Variants in NARF observed in about 807,000 individuals in gnomAD.
NARF encodes nuclear prelamin A recognition factor.
NARF carries 41 observed loss-of-function variants against 48.0 expected under a neutral mutation model. The ratio of observed to expected loss-of-function variants is 0.85; its 90% CI spans 0.66 to 1.11. NARF has a LOEUF of 1.11. NARF is among the 50% of genes least tolerant of loss of function. The pLI is 0.00. For missense variants in NARF, 613 were observed against 590.2 expected, an observed-to-expected ratio of 1.04 and a Z score of -0.40; for synonymous variants, 215 against 225.5, an observed-to-expected ratio of 0.95 and a Z score of 0.42.
chr17:82,487,483 C>CG (rs1267740355), intron 10 of NARF, among the ~76,000 whole-genome samples: 2 of 125,712 alleles, frequency 1.6e-5, no homozygotes, highest in Non-Finnish European at 3.3e-5. Context: ...GACTCTGTCT[C>CG]GAAAAAAAAA....
At chr17:82,483,883 T>C (rs2044032634) in intron 8 of NARF, 104 bp downstream of exon 8, 4 of 1,040,278 alleles carry the variant, frequency 3.8e-6, no homozygotes, top group Non-Finnish European at 5.9e-6. Flanking sequence ...GACGAGGCCA[T>C]GTGAAGCACT....
rs775367111 is a variant in NARF, at chr17:82,472,648, A to C, written c.470A>C (p.Gln157Pro). Residue 157 changes from glutamine (Q) to proline (P), a missense_variant, in exon 5 of 11, where the codon CAG becomes CCG. Transcript: ENST00000309794. ...AAAGAATTCGTGCGTCGCTATCGCC[A>C]GCACAGTGAGGAGGAACGCACCCTG... is the stretch of plus-strand genomic sequence containing the variant. ...SQKEFVRRYR[Q>P]HSEEERTLPM... 1 of 1,614,062 alleles carries C rather than the reference A, an allele frequency of 6.2e-7. No homozygotes were observed. The highest frequency in any genetic ancestry group is 1.7e-5 in the Admixed American group (1 of 60,016).
intron 7 of NARF, chr17:82,483,439 C>T: frequency 2.5e-6 from 1 of 393,922 alleles, no homozygotes; most frequent in Non-Finnish European, 4.7e-6. Flanking sequence ...AGATTTTCCA[C>T]ATGGGAAAAT....
At chr17:82,471,327 C>T (rs542079206) in intron 4 of NARF, among the ~76,000 whole-genome samples, 34 of 151,108 alleles carry the variant, frequency 2.3e-4, no homozygotes, top group Admixed American at 1.7e-3. Context: ...TGGTGACGGG[C>T]GCCTGTAGTC....
chr17:82,480,498 G>A (rs992919499), intron 6 of NARF: 1 of 402,654 alleles, frequency 2.5e-6, no homozygotes, highest in African/African-American at 2.1e-5. Context: ...ACCACACCCA[G>A]TCCTGAGGGA....
At position 82,472,604 on chromosome 17, in the gene NARF, T is replaced by C. The variant is rs1200169515; in HGVS notation, c.426T>C (p.Phe142=). 1 of 1,613,478 alleles carries C rather than the reference T, an allele frequency of 6.2e-7. No individual in the cohort carries two copies. Among genetic ancestry groups the C allele is most frequent in the East Asian group, 2.2e-5 (1 of 44,808 alleles). The change falls in exon 5 of 11, where the codon TTT becomes TTC. Residue 142 remains phenylalanine, a synonymous_variant. Transcript: ENST00000309794. Reference sequence around the variant, plus strand: ...TTGATACGACGATAGCTGCGGATTTTAGTATCCTGGAGAGTCAAAAAGAAT... The same window carrying C: ...TTGATACGACGATAGCTGCGGATTTCAGTATCCTGGAGAGTCAAAAAGAAT... ...YVFDTTIAAD[F]SILESQKEFV...
intron 8 of NARF, 196 bp from the exon 9 acceptor site, chr17:82,484,617 C>G (rs756783502): frequency 5.5e-6 from 3 of 545,452 alleles, no homozygotes; most frequent in Non-Finnish European, 9.0e-6. Flanking sequence ...CCGCCTTGCC[C>G]GAGCATCAGG....
chr17:82,465,803 C>T (rs1165376765), intron 3 of NARF, among the ~76,000 whole-genome samples: 3 of 152,164 alleles, frequency 2.0e-5, no homozygotes, highest in Admixed American at 6.5e-5. Flanking sequence ...TGTGCTCAAG[C>T]GATCCTCCAG....
intron 3 of NARF, among the ~76,000 whole-genome samples, chr17:82,465,523 G>T (rs141971876): frequency 1.3e-5 from 2 of 152,106 alleles, no homozygotes; most frequent in African/African-American, 4.8e-5. Flanking sequence ...CCTTCTCAGC[G>T]TTTGCCATTC....
chr17:82,458,613 TG>T, upstream of NARF: 1 of 656,404 alleles, frequency 1.5e-6, no homozygotes, highest in Non-Finnish European at 2.3e-6. Flanking sequence ...GCCGTAAGGG[TG>T]GGGAATCCTA....
chr17:82,483,319 C>CAAA, intron 7 of NARF: 7 of 269,714 alleles, frequency 2.6e-5, no homozygotes, highest in South Asian at 1.1e-4. Flanking sequence ...GACTCCATCT[C>CAAA]AAAAAAAAAA....
In NARF at chr17:82,489,212, A is replaced by T. The variant is rs1019344617; in HGVS notation, c.*1055A>T. On this transcript the variant is annotated 3_prime_UTR_variant, in exon 11 of 11. Transcript: ENST00000309794. ...TACTCGGCCCTGGGCCATTCCTCAC[A>T]GCCAGTCACCACCCTCCTCCCATTC... The T allele has an allele frequency of 5.9e-6, 1 of 168,808 alleles. No homozygotes were observed. Among genetic ancestry groups the T allele is most frequent in the Non-Finnish European group, 1.3e-5 (1 of 78,502 alleles). 10.5% of individuals were successfully genotyped at this position (168,808 alleles called of 1,614,324 possible).
intron 1 of NARF, 139 bp from the exon 2 acceptor site, chr17:82,459,853 C>G (rs78720068): frequency 0.15 from 96,795 of 653,870 alleles, 8,338 homozygotes; most frequent in Admixed American, 0.3. Flanking sequence ...TGGGTGAGAG[C>G]GAGACTCCGT....
At chr17:82,464,956 A>G (rs766078932) in intron 3 of NARF, among the ~76,000 whole-genome samples, 49 of 152,222 alleles carry the variant, frequency 3.2e-4, no homozygotes, top group Non-Finnish European at 5.6e-4. Flanking sequence ...GTATTAGTCC[A>G]TTCTCACATT....
At chr17:82,472,830 T>C in intron 5 of NARF, 132 bp downstream of exon 5, 1 of 1,138,678 alleles carries the variant, frequency 8.8e-7, no homozygotes, top group African/African-American at 1.6e-5. Context: ...AGGGAAGAGC[T>C]TGGCCTGATT....
At chr17:82,460,616 T>A (rs1199659508) in intron 2 of NARF, 1 of 151,920 alleles carries the variant, frequency 6.6e-6, no homozygotes, top group African/African-American at 2.4e-5. Flanking sequence ...TGCAAAAAAT[T>A]AGCCGGGCGT....
At chr17:82,459,692 A>T (rs1223040181) in intron 1 of NARF, among the ~76,000 whole-genome samples, 1 of 152,110 alleles carries the variant, frequency 6.6e-6, no homozygotes, top group Non-Finnish European at 1.5e-5. Flanking sequence ...CAACATGGCG[A>T]AACCCAGTCT....
intron 4 of NARF, among the ~76,000 whole-genome samples, chr17:82,470,428 T>C (rs2043671839): frequency 6.6e-6 from 1 of 152,238 alleles, no homozygotes; most frequent in South Asian, 2.1e-4. Flanking sequence ...CGGAATGTTA[T>C]ATATCAATAA....
chr17:82,485,361 C>T lies in NARF; in HGVS notation c.972-136C>T, dbSNP rs376812038. On this transcript the variant is annotated intron_variant, in intron 9 of 10. Coordinates refer to ENST00000309794, the MANE Select transcript of NARF (RefSeq NM_012336.4). ...GCGTGAACCCGGGAGGCAGAGGTTG[C>T]AGTGAGCCAAGATGGTGCCACTGCA... The T allele has an allele frequency of 4.3e-4, 391 of 914,426 alleles. 5 individuals carry two copies. In the East Asian group the frequency reaches 7.1e-3, roughly 17 times the overall value. The allele number at this position is 914,426 out of a possible 1,614,324, so 56.6% of individuals were successfully genotyped here.
Sources: gnomAD v4.1 joint callset for allele counts (sites outside exome capture counted in the v4.1 genomes callset) on GRCh38, gnomAD v4.1.1 for gene constraint, MANE v1.5 for transcripts, NCBI Gene and HGNC (gene_info 2026-07-23, HGNC 2026-07-21) for gene names.